The following DGKB variants were observed in gnomAD, a reference collection of about 807,000 sequenced individuals.
DGKB encodes the protein diacylglycerol kinase beta.
A neutral mutation model predicts 114.3 loss-of-function variants in DGKB; 67 were observed. The observed-to-expected ratio is 0.59, with a 90% CI of 0.48 to 0.72. The LOEUF is 0.72. Ranked by LOEUF, DGKB falls within the 30% of genes least tolerant of loss-of-function variation. DGKB has a pLI of 0.00. For synonymous variants in DGKB, 398 were observed against 323.1 expected (o/e 1.23, Z -2.49); for missense variants, 907 against 975.2 (o/e 0.93, Z 0.93).
At chr7:14,542,705 G>A (rs1352184243) in intron 20 of DGKB, among the ~76,000 whole-genome samples, 1 of 152,190 alleles carries the variant, frequency 6.6e-6, no homozygotes, top group Non-Finnish European at 1.5e-5. Flanking sequence ...GATGCTAAGG[G>A]TTTCAAGAAG....
At chr7:14,832,828 C>CACATGT (rs1846612884) in intron 2 of DGKB, among the ~76,000 whole-genome samples, 2 of 152,036 alleles carry the variant, frequency 1.3e-5, no homozygotes, top group Admixed American at 6.6e-5. Context: ...TTGATAACTA[C>CACATGT]TCACAATGCA....
intron 2 of DGKB, among the ~76,000 whole-genome samples, chr7:14,840,852 G>A (rs945638311): frequency 3.3e-5 from 5 of 151,370 alleles, no homozygotes; most frequent in African/African-American, 4.9e-5. Context: ...CTCTGCGCCC[G>A]TTTGTCCTTC....
At chr7:14,777,942 T>C (rs141972978) in intron 2 of DGKB, among the ~76,000 whole-genome samples, 2 of 152,210 alleles carry the variant, frequency 1.3e-5, no homozygotes, top group Non-Finnish European at 2.9e-5. Context: ...GTGTATAGAA[T>C]CTGGAAATAA....
intron 13 of DGKB, among the ~76,000 whole-genome samples, chr7:14,639,625 C>T (rs1246085419): frequency 6.6e-6 from 1 of 152,156 alleles, no homozygotes; most frequent in African/African-American, 2.4e-5. Context: ...AGGAACAATC[C>T]TATGATTGGA....
chr7:14,626,408 A>G lies in DGKB; in HGVS notation c.1167+3828T>C, dbSNP rs534228526. Among the ~76,000 whole-genome samples, 4 of 152,314 alleles carry G rather than the reference A, an allele frequency of 2.6e-5. No individual in the cohort carries two copies. The East Asian group carries it at 5.8e-4, about 22-fold the overall frequency. On this transcript the variant is annotated intron_variant, in intron 14 of 25. Coordinates refer to ENST00000402815, the MANE Select transcript of DGKB (RefSeq NM_001350709.2). The stretch of plus-strand genomic sequence containing the variant: ...TTACTTTCCCTGCTACTACTGCACA[A>G]CTTGCCTGAATGGAGATTTAGTCCT...
chr7:14,509,681 C>A (rs1475110019), intron 20 of DGKB, among the ~76,000 whole-genome samples: 1 of 152,196 alleles, frequency 6.6e-6, no homozygotes, highest in Non-Finnish European at 1.5e-5. Context: ...TCGGGCAGAG[C>A]CCGAGAGCTC....
At position 14,596,273 on chromosome 7, in the gene DGKB, C is replaced by T. The variant is rs138742288; in HGVS notation, c.1433+11161G>A. Among the ~76,000 whole-genome samples, 31 of 152,146 alleles carry T rather than the reference C, an allele frequency of 2.0e-4. 1 individual carries two copies. The East Asian group carries it at 3.9e-3, about 19-fold the overall frequency. ...GTTAACTGTATTCCTGGAAGAATAA[C>T]GCTTCTGTTTTGATGACACATTAAA... On this transcript the variant is annotated intron_variant, in intron 17 of 25. Coordinates refer to ENST00000402815, the MANE Select transcript of DGKB (RefSeq NM_001350709.2).
intron 23 of DGKB, among the ~76,000 whole-genome samples, chr7:14,257,180 A>G (rs6972707): frequency 0.32 from 48,112 of 151,984 alleles, 8,629 homozygotes; most frequent in Non-Finnish European, 0.4. Context: ...GAATAAAATA[A>G]AAAAATTTAT....
chr7:14,403,009 A>G (rs1823373716), intron 21 of DGKB, among the ~76,000 whole-genome samples: 1 of 151,908 alleles, frequency 6.6e-6, no homozygotes, highest in African/African-American at 2.4e-5. Context: ...GCATGATCCA[A>G]TTCCTTAAAA....
At chr7:14,750,251 T>C (rs747752878) in intron 4 of DGKB, 1 of 471,322 alleles carries the variant, frequency 2.1e-6, no homozygotes, top group East Asian at 6.1e-5. Context: ...TATTAACACA[T>C]GGTATAAGGT....
intron 1 of DGKB, among the ~76,000 whole-genome samples, chr7:14,910,354 C>T (rs1466434607): frequency 6.6e-6 from 1 of 151,030 alleles, no homozygotes; most frequent in Non-Finnish European, 1.5e-5. Flanking sequence ...CAAAACAAAA[C>T]AAAACAAAAC....
At chr7:14,595,510 G>T (rs1005793542) in intron 17 of DGKB, among the ~76,000 whole-genome samples, 1 of 142,396 alleles carries the variant, frequency 7.0e-6, no homozygotes, top group African/African-American at 2.7e-5. Context: ...GATTATGTAG[G>T]GCCTGATGTT....
At chr7:14,680,953 T>C (rs904196901) in intron 12 of DGKB, among the ~76,000 whole-genome samples, 8 of 151,900 alleles carry the variant, frequency 5.3e-5, no homozygotes, top group Admixed American at 5.3e-4. Context: ...AGGTAAACAA[T>C]TGGAGATACA....
At chr7:14,407,064 A>G (rs1824055889) in intron 21 of DGKB, among the ~76,000 whole-genome samples, 1 of 152,082 alleles carries the variant, frequency 6.6e-6, no homozygotes, top group African/African-American at 2.4e-5. Flanking sequence ...GTAGTTAAGA[A>G]GGAGTGAAGA....
intron 23 of DGKB, among the ~76,000 whole-genome samples, chr7:14,317,374 A>G (rs1036782850): frequency 7.1e-6 from 1 of 140,160 alleles, no homozygotes; most frequent in Admixed American, 7.1e-5. Flanking sequence ...ATGATTGTAT[A>G]TCTAGAAAAC....
intron 1 of DGKB, among the ~76,000 whole-genome samples, chr7:14,843,852 T>C (rs910737709): frequency 9.6e-6 from 1 of 103,796 alleles, no homozygotes; most frequent in Non-Finnish European, 1.9e-5. Flanking sequence ...GTGTCAGCTT[T>C]ATTGAGAGCT....
chr7:14,970,693 G>C (rs1051343296), intron 1 of DGKB, among the ~76,000 whole-genome samples: 1 of 152,056 alleles, frequency 6.6e-6, no homozygotes, highest in Admixed American at 6.6e-5. Context: ...GTGAATGATT[G>C]CCTTTCTGTA....
At chr7:14,576,894 A>C (rs1459861287) in intron 19 of DGKB, among the ~76,000 whole-genome samples, 1 of 152,202 alleles carries the variant, frequency 6.6e-6, no homozygotes, top group African/African-American at 2.4e-5. Context: ...AGAGGCAATA[A>C]ATAAATCTTG....
At chr7:14,168,145 A>G (rs1784875357) in intron 25 of DGKB, among the ~76,000 whole-genome samples, 1 of 152,234 alleles carries the variant, frequency 6.6e-6, no homozygotes, top group African/African-American at 2.4e-5. Flanking sequence ...GGAAATTTTA[A>G]AACTGAAAAA....
Sources: allele counts gnomAD v4.1 joint callset (sites outside exome capture counted in the v4.1 genomes callset), GRCh38; gene constraint gnomAD v4.1.1; transcripts MANE v1.5; gene names NCBI Gene and HGNC (gene_info 2026-07-23, HGNC 2026-07-21).